HPSE2: variants seen among roughly 807,000 people sequenced by gnomAD.
HPSE2 encodes the protein heparanase 2 (inactive), also known as inactive heparanase-2.
HPSE2 carries 38 observed loss-of-function variants against 60.5 expected under a neutral mutation model. The ratio of observed to expected loss-of-function variants is 0.63; its 90% CI spans 0.48 to 0.82. HPSE2 has a LOEUF of 0.82. HPSE2 is among the 40% of genes least tolerant of loss of function. The pLI, the probability that HPSE2 is intolerant of heterozygous loss-of-function variation, is 0.00. For missense variants in HPSE2, 713 were observed against 740.4 expected, an observed-to-expected ratio of 0.96 and a Z score of 0.43; for synonymous variants, 295 against 293.2, an observed-to-expected ratio of 1.01 and a Z score of -0.06.
At chr10:99,275,391 A>G in the HPSE2 span, among the ~76,000 whole-genome samples, 1,189 of 152,174 alleles carry the variant, frequency 7.8e-3, 5 homozygotes, top group Non-Finnish European at 0.011. Flanking sequence ...ACGTCTTAGT[A>G]CCCCAAGGGT....
chr10:98,719,915 T>G (rs1948882450), intron 5 of HPSE2, among the ~76,000 whole-genome samples: 1 of 151,454 alleles, frequency 6.6e-6, no homozygotes, highest in South Asian at 2.1e-4. Flanking sequence ...GCAGGAGAAT[T>G]GCTTGAACCC....
At chr10:98,925,517 A>C (rs964591725) in intron 3 of HPSE2, among the ~76,000 whole-genome samples, 1 of 152,152 alleles carries the variant, frequency 6.6e-6, no homozygotes, top group Non-Finnish European at 1.5e-5. Flanking sequence ...TAAGTTCCAC[A>C]TCTCCAGAGT....
chr10:99,061,911 T>C (rs1441426929), intron 3 of HPSE2, among the ~76,000 whole-genome samples: 1 of 152,294 alleles, frequency 6.6e-6, no homozygotes, highest in East Asian at 1.9e-4. Flanking sequence ...TTTGGTTTTT[T>C]CCCCATGGAT....
At chr10:98,738,063 A>T (rs1376563554) in intron 4 of HPSE2, among the ~76,000 whole-genome samples, 1 of 152,170 alleles carries the variant, frequency 6.6e-6, no homozygotes, top group Non-Finnish European at 1.5e-5. Context: ...GAGGCATCAC[A>T]CTACCTGACT....
At chr10:98,589,032 T>A (rs1482608857) in intron 9 of HPSE2, among the ~76,000 whole-genome samples, 1 of 152,104 alleles carries the variant, frequency 6.6e-6, no homozygotes, top group Non-Finnish European at 1.5e-5. Context: ...GATCAATCCA[T>A]GAAATAAAGT....
At chr10:98,753,785 CA>C (rs1295894912) in intron 3 of HPSE2, among the ~76,000 whole-genome samples, 1 of 152,172 alleles carries the variant, frequency 6.6e-6, no homozygotes, top group Non-Finnish European at 1.5e-5. Flanking sequence ...AGAAACTAGT[CA>C]ACTGAATCCA....
chr10:99,162,967 T>C (rs1026715640), intron 2 of HPSE2, among the ~76,000 whole-genome samples: 1 of 152,096 alleles, frequency 6.6e-6, no homozygotes, highest in Non-Finnish European at 1.5e-5. Flanking sequence ...CCCAGCACTT[T>C]GGGAGGCCAA....
chr10:98,675,705 G>A (rs1355831177), intron 6 of HPSE2, among the ~76,000 whole-genome samples: 4 of 151,976 alleles, frequency 2.6e-5, no homozygotes, highest in Non-Finnish European at 4.4e-5. Flanking sequence ...CTACACTCCC[G>A]CATGGGTGAC....
intron 3 of HPSE2, among the ~76,000 whole-genome samples, chr10:98,778,253 T>TGAGAGAGAGAGAGAGAGAGA (rs1589811556): frequency 1.3e-4 from 3 of 23,934 alleles, no homozygotes; most frequent in Non-Finnish European, 2.3e-4. Context: ...GGATGCTCAG[T>TGAGAGAGAGAGAGAGAGAGA]GAGAGAGAGA....
At chr10:99,277,890 G>A in the HPSE2 span, among the ~76,000 whole-genome samples, 1 of 152,090 alleles carries the variant, frequency 6.6e-6, no homozygotes, top group Non-Finnish European at 1.5e-5. Flanking sequence ...TTAGGGTCAG[G>A]AGTTCAAGAC....
At chr10:98,611,660 A>C (rs1253201433) in intron 9 of HPSE2, among the ~76,000 whole-genome samples, 1 of 152,174 alleles carries the variant, frequency 6.6e-6, no homozygotes, top group African/African-American at 2.4e-5. Flanking sequence ...AATGTGTGTC[A>C]GATTGGTGTT....
At chr10:99,222,200 G>A (rs924746449) in intron 2 of HPSE2, among the ~76,000 whole-genome samples, 1 of 152,018 alleles carries the variant, frequency 6.6e-6, no homozygotes, top group Non-Finnish European at 1.5e-5. Context: ...GTTATAACAG[G>A]GGTAATGAAA....
At chr10:98,597,098 C>T (rs1945260186) in intron 9 of HPSE2, among the ~76,000 whole-genome samples, 1 of 152,040 alleles carries the variant, frequency 6.6e-6, no homozygotes, top group Non-Finnish European at 1.5e-5. Flanking sequence ...AGAACTTACT[C>T]ACTATCATGA....
chr10:98,630,221 A>T (rs906919379), intron 7 of HPSE2, among the ~76,000 whole-genome samples: 1 of 145,652 alleles, frequency 6.9e-6, no homozygotes, highest in African/African-American at 2.5e-5. Context: ...TTTTTGAGAC[A>T]GAGTCTCGCT....
chr10:99,048,769 A>G (rs1215193494), intron 3 of HPSE2, among the ~76,000 whole-genome samples: 1 of 152,180 alleles, frequency 6.6e-6, no homozygotes, highest in Non-Finnish European at 1.5e-5. Context: ...ACAAAAAGAC[A>G]CATGTACTTC....
intron 6 of HPSE2, among the ~76,000 whole-genome samples, chr10:98,666,960 A>G (rs992259500): frequency 2.0e-5 from 3 of 152,096 alleles, no homozygotes; most frequent in East Asian, 1.9e-4. Flanking sequence ...AAAAGTCCAT[A>G]CAAAAGATCA....
At chr10:99,171,451 G>A (rs1847305284) in intron 2 of HPSE2, among the ~76,000 whole-genome samples, 1 of 152,062 alleles carries the variant, frequency 6.6e-6, no homozygotes, top group Admixed American at 6.6e-5. Context: ...AAAAGACAGA[G>A]GTGCATGAAG....
intron 3 of HPSE2, among the ~76,000 whole-genome samples, chr10:99,003,824 T>C (rs573384111): frequency 2.6e-4 from 39 of 152,284 alleles, no homozygotes; most frequent in Non-Finnish European, 5.3e-4. Context: ...CTTTTTAGTT[T>C]GATATAATCC....
In HPSE2 at chr10:99,232,609, G is replaced by A. The variant is rs1001839044; in HGVS notation, c.291-104C>T. ...CCTACTCCCTGAGGGCGACCTGGCC[G>A]GGGCTAGAGGCTCTGTGCCTGCCCC... On this transcript the variant is annotated intron_variant, in intron 1 of 11. Transcript: ENST00000370552. 128 of 1,295,710 alleles carry A rather than the reference G, an allele frequency of 9.9e-5. No individual in the cohort carries two copies. The Middle Eastern group carries it at 1.0e-3, about 10-fold the overall frequency. 80.3% of individuals were successfully genotyped at this position (1,295,710 alleles called of 1,614,324 possible).
Sources: allele counts gnomAD v4.1 joint callset (sites outside exome capture counted in the v4.1 genomes callset), GRCh38; gene constraint gnomAD v4.1.1; transcripts MANE v1.5; gene names NCBI Gene and HGNC (gene_info 2026-07-23, HGNC 2026-07-21).